Variants in SCN11A observed in about 807,000 individuals in gnomAD.
SCN11A encodes sodium voltage-gated channel alpha subunit 11.
Under a neutral mutation model 162.2 loss-of-function variants are expected in SCN11A, and 122 were observed. That is an observed-to-expected ratio of 0.75 (90% confidence interval 0.65 to 0.87). The LOEUF (loss-of-function observed/expected upper bound fraction) is 0.87. Ranked by LOEUF, SCN11A falls within the 40% of genes least tolerant of loss-of-function variation. The pLI is 0.00. For synonymous variants in SCN11A, 758 were observed against 751.5 expected (o/e 1.01, Z -0.14); for missense variants, 2,015 against 2,181.6 (o/e 0.92, Z 1.52).
At chr3:38,937,031 T>C (rs1419044205) in intron 7 of SCN11A, among the ~76,000 whole-genome samples, 2 of 151,870 alleles carry the variant, frequency 1.3e-5, no homozygotes, top group East Asian at 1.9e-4. Context: ...GAGATATAGA[T>C]CAATGGAACA....
chr3:39,032,187 C>T (rs1407503085), intron 2 of SCN11A, among the ~76,000 whole-genome samples, 193 bp downstream of exon 2: 1 of 152,148 alleles, frequency 6.6e-6, no homozygotes, highest in African/African-American at 2.4e-5. Context: ...GTTTATTTAG[C>T]ATTTCTGCAT....
At chr3:38,988,619 T>C (rs2030345029) in intron 2 of SCN11A, among the ~76,000 whole-genome samples, 1 of 152,214 alleles carries the variant, frequency 6.6e-6, no homozygotes, top group Non-Finnish European at 1.5e-5. Context: ...AAAAGAGTTC[T>C]ACCATCAGCT....
chr3:38,925,480 A>G lies in SCN11A; in HGVS notation c.647T>C (p.Ile216Thr). ...GAAGGTACGCAGGGGCAATAGTTTG[A>G]TGGTGATTCCTGGAATATATGACAC... ...AIVSYIPGITIKLLPLRTFRV... is the reference protein window; with the variant it reads ...AIVSYIPGITTKLLPLRTFRV... Residue 216 changes from isoleucine (I) to threonine (T), a missense_variant, in exon 9 of 30, where the codon ATC becomes ACC. Physicochemically the swap from Ile to Thr is moderately conservative, Grantham distance 89 (BLOSUM62 -1). Transcript: ENST00000302328. 1 of 1,613,632 alleles carries G rather than the reference A, an allele frequency of 6.2e-7. No individual in the cohort carries two copies. The highest frequency in any genetic ancestry group is 8.5e-7 in the Non-Finnish European group (1 of 1,179,566).
intron 11 of SCN11A, among the ~76,000 whole-genome samples, chr3:38,912,404 C>T (rs1053169932): frequency 2.6e-5 from 4 of 152,174 alleles, no homozygotes; most frequent in Non-Finnish European, 4.4e-5. Flanking sequence ...CTCTCTTACA[C>T]ATGGCTTTGT....
At chr3:38,997,011 C>A (rs1432218670) in intron 2 of SCN11A, among the ~76,000 whole-genome samples, 2 of 152,202 alleles carry the variant, frequency 1.3e-5, no homozygotes, top group Non-Finnish European at 2.9e-5. Context: ...TCAGTTACCA[C>A]AAGTGGCCTC....
Position 38,897,154 on chromosome 3 carries a change from G to C in SCN11A, c.2094C>G (p.Val698=). 1.2e-6 allele frequency: 2 copies of C among 1,614,112 alleles called. No individual in the cohort carries two copies. The highest frequency in any genetic ancestry group is 1.7e-6 in the Non-Finnish European group (2 of 1,179,990). Residue 698 remains valine (V), a synonymous_variant, in exon 18 of 30, where the codon GTC becomes GTG. Transcript: ENST00000302328. ...CCACAGTCAGGCTTCCAAGGGCTCC[G>C]ACAGAGTTGCCGATTATCTTAATTA... ...NTLIKIIGNS[V]GALGSLTVVL...
At chr3:38,885,234 C>T (rs201455198) in intron 21 of SCN11A, 54 bp downstream of exon 21, 9 of 1,026,962 alleles carry the variant, frequency 8.8e-6, no homozygotes, top group Non-Finnish European at 1.4e-5. Flanking sequence ...CAAAGAAGAA[C>T]AGAAACCCCA....
chr3:38,883,418 A>T (rs2065343504), intron 21 of SCN11A, 31 bp from the exon 22 acceptor site: 1 of 1,601,476 alleles, frequency 6.2e-7, no homozygotes, highest in Admixed American at 1.7e-5. Flanking sequence ...CACTATCATT[A>T]GTGTCTGTAA....
At chr3:38,952,185 C>G (rs1032639844) in intron 4 of SCN11A, among the ~76,000 whole-genome samples, 3 of 152,142 alleles carry the variant, frequency 2.0e-5, no homozygotes, top group Non-Finnish European at 2.9e-5. Flanking sequence ...AGGCTTCATT[C>G]TTGAAGTCAG....
chr3:38,981,877 A>G (rs2030070462), intron 2 of SCN11A, among the ~76,000 whole-genome samples: 1 of 151,832 alleles, frequency 6.6e-6, no homozygotes, highest in South Asian at 2.1e-4. Flanking sequence ...GGTGGCAGGC[A>G]CCTGTAGTCC....
chr3:38,980,993 AC>A (rs1195497144), intron 2 of SCN11A, among the ~76,000 whole-genome samples: 3 of 152,224 alleles, frequency 2.0e-5, no homozygotes, highest in African/African-American at 7.2e-5. Context: ...AGGGTGAGAT[AC>A]CACAGAACAC....
chr3:38,969,693 G>A (rs2066804786), intron 2 of SCN11A, among the ~76,000 whole-genome samples: 1 of 152,140 alleles, frequency 6.6e-6, no homozygotes, highest in Non-Finnish European at 1.5e-5. Context: ...TGGTATTTCT[G>A]GAACAAATTT....
At chr3:38,946,742 A>C in intron 6 of SCN11A, 47 bp downstream of exon 6, 1 of 1,247,122 alleles carries the variant, frequency 8.0e-7, no homozygotes, top group Middle Eastern at 1.9e-4. Flanking sequence ...GGGCACGTGC[A>C]CTTTTCAAAT....
chr3:39,032,005 C>A (rs180736867), intron 2 of SCN11A, among the ~76,000 whole-genome samples: 270 of 151,860 alleles, frequency 1.8e-3, no homozygotes, highest in African/African-American at 3.8e-3. Flanking sequence ...CAAAAAAAAA[C>A]CAAAAATGGT....
At chr3:38,886,450 A>G (rs957348944) in intron 19 of SCN11A, among the ~76,000 whole-genome samples, 19 of 152,256 alleles carry the variant, frequency 1.2e-4, no homozygotes, top group African/African-American at 3.4e-4. Flanking sequence ...TGAACTTGTT[A>G]CAAAGATACA....
At position 38,925,516 on chromosome 3, in the gene SCN11A, G is replaced by C; in HGVS notation, c.618-7C>G. On this transcript the variant is annotated splice_region_variant and splice_polypyrimidine_tract_variant and intron_variant, in intron 8 of 29. Transcript: ENST00000302328. ...TGGAATATATGACACAATCCTACAA[G>C]ACAAAGCACAGGGAAGGCATGGGCT... 1 of 1,600,148 alleles carries C rather than the reference G, an allele frequency of 6.2e-7. No individual in the cohort carries two copies. Among genetic ancestry groups the C allele is most frequent in the Non-Finnish European group, 8.6e-7 (1 of 1,167,366 alleles).
chr3:38,917,774 C>G (rs1249319944), intron 11 of SCN11A, among the ~76,000 whole-genome samples: 3 of 152,070 alleles, frequency 2.0e-5, no homozygotes, highest in Non-Finnish European at 4.4e-5. Flanking sequence ...ATATAACAAA[C>G]CTGCATATGT....
intron 1 of SCN11A, among the ~76,000 whole-genome samples, chr3:39,040,141 T>C (rs2032010972): frequency 1.3e-5 from 2 of 152,106 alleles, no homozygotes; most frequent in African/African-American, 2.4e-5. Context: ...TGGCCACCAA[T>C]GGACACTTAC....
chr3:39,000,521 C>A (rs1382258612), intron 2 of SCN11A, among the ~76,000 whole-genome samples: 1 of 152,182 alleles, frequency 6.6e-6, no homozygotes, highest in African/African-American at 2.4e-5. Context: ...CAACTCCCCC[C>A]TCCCCAAACT....
Sources: gnomAD v4.1 joint callset for allele counts (sites outside exome capture counted in the v4.1 genomes callset) on GRCh38, gnomAD v4.1.1 for gene constraint, MANE v1.5 for transcripts, NCBI Gene and HGNC (gene_info 2026-07-23, HGNC 2026-07-21) for gene names.